Variants in MARK2 observed in about 807,000 individuals in gnomAD.
The protein encoded by MARK2 is serine/threonine-protein kinase MARK2.
Under a neutral mutation model 89.8 loss-of-function variants are expected in MARK2, and 16 were observed. The observed-to-expected ratio is 0.18, with a 90% CI of 0.12 to 0.27. MARK2 has a LOEUF of 0.27. Among genes scored for constraint, MARK2 ranks in the 10% least tolerant of loss-of-function variants. The pLI is 1.00. For missense variants in MARK2, 621 were observed against 1,049.9 expected, an observed-to-expected ratio of 0.59 and a Z score of 5.65; for synonymous variants, 382 against 399.5, an observed-to-expected ratio of 0.96 and a Z score of 0.52.
intron 1 of MARK2, among the ~76,000 whole-genome samples, chr11:63,873,437 T>TG (rs1938569919): frequency 3.3e-5 from 5 of 152,090 alleles, no homozygotes; most frequent in Admixed American, 3.3e-4. Flanking sequence ...AAGGGGATGT[T>TG]GGAGTGGGAG....
intron 1 of MARK2, among the ~76,000 whole-genome samples, chr11:63,891,443 G>A (rs537236767): frequency 1.2e-4 from 18 of 152,306 alleles, no homozygotes; most frequent in African/African-American, 3.4e-4. Flanking sequence ...GGCAGGGAAT[G>A]CTGACCTGCT....
intron 1 of MARK2, among the ~76,000 whole-genome samples, chr11:63,876,417 C>T (rs184489949): frequency 2.4e-4 from 36 of 152,284 alleles, no homozygotes; most frequent in Admixed American, 1.1e-3. Context: ...CATTGTTGTC[C>T]GTGCTTTAGA....
At chr11:63,845,656 G>A (rs1742593422) in intron 1 of MARK2, among the ~76,000 whole-genome samples, 1 of 152,142 alleles carries the variant, frequency 6.6e-6, no homozygotes, top group Non-Finnish European at 1.5e-5. Flanking sequence ...CCCTGAAAGT[G>A]CTAACTCCTG....
intron 1 of MARK2, among the ~76,000 whole-genome samples, chr11:63,855,926 A>C (rs1038566955): frequency 6.6e-6 from 1 of 151,900 alleles, no homozygotes; most frequent in Non-Finnish European, 1.5e-5. Context: ...TAGCATAAAC[A>C]TGTGGATTTA....
At chr11:63,879,170 G>C (rs1938948351) in intron 1 of MARK2, among the ~76,000 whole-genome samples, 1 of 152,078 alleles carries the variant, frequency 6.6e-6, no homozygotes, top group Admixed American at 6.6e-5. Flanking sequence ...ATCTGGGCCT[G>C]GTGGTGAGCG....
intron 1 of MARK2, among the ~76,000 whole-genome samples, chr11:63,886,397 T>TA (rs1383181700): frequency 9.9e-5 from 15 of 151,092 alleles, no homozygotes; most frequent in Admixed American, 9.2e-4. Context: ...GTGCTGGGAT[T>TA]AAGGCATGAG....
Position 63,904,162 on chromosome 11 carries a change from G to A in MARK2, c.1676+15G>A, listed in dbSNP as rs1295034439. On this transcript the variant is annotated intron_variant, in intron 15 of 18. Transcript: ENST00000402010. This position sits in a 1 kb window ranked among gnomAD's most constrained non-coding sequence, Gnocchi z 6.3. ...CCGCGGCCCAGGCAAGTGTGCTGGGGCAGCTGGTGCACCTGCTGCCCTCAG... is the reference window on the plus strand; with the variant it reads ...CCGCGGCCCAGGCAAGTGTGCTGGGACAGCTGGTGCACCTGCTGCCCTCAG... 3 of 1,550,038 alleles carry A rather than the reference G, an allele frequency of 1.9e-6. No individual in the cohort carries two copies. The highest frequency in any genetic ancestry group is 2.4e-5 in the East Asian group (1 of 41,864).
chr11:63,880,404 G>A (rs1939018709), intron 1 of MARK2, among the ~76,000 whole-genome samples: 1 of 152,108 alleles, frequency 6.6e-6, no homozygotes, highest in African/African-American at 2.4e-5. Flanking sequence ...GGGCCTTAGA[G>A]TCAGTACATT....
intron 1 of MARK2, among the ~76,000 whole-genome samples, chr11:63,858,914 A>G (rs1261361907): frequency 2.0e-5 from 3 of 152,224 alleles, no homozygotes; most frequent in Admixed American, 2.0e-4. Context: ...TAGCTGAGGA[A>G]GCTGGTTCTC....
At chr11:63,863,931 C>A (rs1229694400) in intron 1 of MARK2, among the ~76,000 whole-genome samples, 1 of 151,994 alleles carries the variant, frequency 6.6e-6, no homozygotes, top group Non-Finnish European at 1.5e-5. Context: ...CCCACTACAC[C>A]CAGCTAATTT....
At chr11:63,852,303 T>C (rs1590971801) in intron 1 of MARK2, among the ~76,000 whole-genome samples, 1 of 152,226 alleles carries the variant, frequency 6.6e-6, no homozygotes, top group African/African-American at 2.4e-5. Context: ...ATAACTGCTA[T>C]CATCTTTTTG....
chr11:63,839,392 G>C lies in MARK2; in HGVS notation c.-115G>C, dbSNP rs900692767. The C allele has an allele frequency of 3.2e-6, 2 of 632,942 alleles. No individual in the cohort carries two copies. Among genetic ancestry groups the C allele is most frequent in the East Asian group, 6.7e-5 (2 of 30,074 alleles). 39.2% of individuals were successfully genotyped at this position (632,942 alleles called of 1,614,324 possible). The stretch of plus-strand genomic sequence containing the variant: ...CCCGGCCTCCCCGCACCCCCGGCCG[G>C]GGCCCATGCGGCGGGTGCTCCTGCT... On this transcript the variant is annotated 5_prime_UTR_variant, in exon 1 of 19. Transcript: ENST00000402010.
intron 1 of MARK2, among the ~76,000 whole-genome samples, chr11:63,881,990 C>T (rs150658717): frequency 2.6e-4 from 40 of 152,118 alleles, no homozygotes; most frequent in South Asian, 8.3e-4. Flanking sequence ...ACAGATAGAG[C>T]GCTGAGAGTC....
rs370112175 is a variant in MARK2, at chr11:63,909,207, C to T, written c.2337C>T (p.Ala779=). ...CCTCCATGGCCTTCAAAAACATTGC[C>T]TCCAAAATAGCCAACGAGCTGAAGC... The part of the protein sequence containing the change: ...SGTSMAFKNI[A]SKIANELKL Residue 779 remains alanine, a synonymous_variant, in exon 19 of 19, where the codon GCC becomes GCT. Transcript: ENST00000402010. 1.5e-5 allele frequency: 24 copies of T among 1,594,150 alleles called. No homozygotes were observed. The highest frequency in any genetic ancestry group is 2.7e-5 in the African/African-American group (2 of 74,564).
intron 1 of MARK2, among the ~76,000 whole-genome samples, chr11:63,865,942 T>C (rs956757741): frequency 6.6e-6 from 1 of 152,158 alleles, no homozygotes; most frequent in African/African-American, 2.4e-5. Context: ...TGTCTTGCTA[T>C]TTTGGTGTGG....
rs56291692 is a variant in MARK2 at position 63,902,743 on chromosome 11, C to A, written c.1377C>A (p.Pro459=). 1.8e-3 allele frequency: 2,933 copies of A among 1,613,662 alleles called. 44 individuals carry two copies. The African/African-American group carries it at 0.029, about 16-fold the overall frequency. Reference sequence around the variant, plus strand: ...CCAAGGTGCCTGCCAGCCCCCTGCCCGGTCTGGAGAGGAAGAAGACCACCC... The same window carrying A: ...CCAAGGTGCCTGCCAGCCCCCTGCCAGGTCTGGAGAGGAAGAAGACCACCC... The part of the protein sequence containing the change: ...STAKVPASPL[P]GLERKKTTPT... The change falls in exon 13 of 19, where the codon CCC becomes CCA. Residue 459 remains proline (P), a synonymous_variant. Transcript: ENST00000402010. The surrounding 1 kb of genome is among the most constrained non-coding windows in gnomAD (Gnocchi z 4.2).
At chr11:63,855,339 C>T (rs1396719381) in intron 1 of MARK2, among the ~76,000 whole-genome samples, 1 of 152,016 alleles carries the variant, frequency 6.6e-6, no homozygotes, top group Admixed American at 6.6e-5. Context: ...TGCAACATGG[C>T]AAGACCTCAT....
intron 1 of MARK2, among the ~76,000 whole-genome samples, chr11:63,854,186 CTGTGTGTGTG>C (rs55689743): frequency 4.6e-4 from 65 of 141,414 alleles, no homozygotes; most frequent in South Asian, 9.2e-4. Flanking sequence ...ACTATTAATT[CTGTGTGTGTG>C]TGTGTGTGTG....
chr11:63,905,346 C>T (rs1372509746), intron 16 of MARK2, among the ~76,000 whole-genome samples: 1 of 152,176 alleles, frequency 6.6e-6, no homozygotes, highest in Non-Finnish European at 1.5e-5. Context: ...AAATAAAAGC[C>T]CCCCCTTCTC....
Sources: gnomAD v4.1 joint callset for allele counts (sites outside exome capture counted in the v4.1 genomes callset) on GRCh38, gnomAD v4.1.1 for gene constraint, Gnocchi (gnomAD v3.1) non-coding constraint, MANE v1.5 for transcripts, NCBI Gene and HGNC (gene_info 2026-07-23, HGNC 2026-07-21) for gene names.